The following MCRS1 variants were observed in gnomAD, a reference collection of about 807,000 sequenced individuals.
The protein encoded by MCRS1 is 58 kDa microspherule protein.
MCRS1 carries 22 observed loss-of-function variants against 62.9 expected under a neutral mutation model. The observed-to-expected ratio is 0.35, with a 90% CI of 0.25 to 0.50. The LOEUF (loss-of-function observed/expected upper bound fraction) is 0.50, where lower values mean the gene tolerates loss of function less well. MCRS1 is among the 20% of genes least tolerant of loss of function. The pLI, the probability that MCRS1 is intolerant of heterozygous loss-of-function variation, is 0.98. For synonymous variants in MCRS1, 244 were observed against 233.5 expected (o/e 1.04, Z -0.41); for missense variants, 456 against 601.1 (o/e 0.76, Z 2.52).
At chr12:49,566,265 C>T in intron 2 of MCRS1, 50 bp from the exon 3 acceptor site, 1 of 1,587,198 alleles carries the variant, frequency 6.3e-7, no homozygotes, top group Non-Finnish European at 8.6e-7. Context: ...CCTAGAGCCT[C>T]TGCAAATGGG....
At chr12:49,560,515 G>T in intron 8 of MCRS1, 145 bp from the exon 9 acceptor site, 1 of 709,982 alleles carries the variant, frequency 1.4e-6, no homozygotes, top group South Asian at 1.7e-5. Context: ...AGATTAGGCT[G>T]GGCTCTAATT....
In MCRS1 at chr12:49,559,748, C is replaced by T; in HGVS notation, c.984G>A (p.Val328=). 6.2e-7 allele frequency: 1 copy of T among 1,614,200 alleles called. No individual in the cohort carries two copies. Among genetic ancestry groups the T allele is most frequent in the Non-Finnish European group, 8.5e-7 (1 of 1,180,030 alleles). ...QLEQELHKWQ[V]LVDSITGMSS... ...CCTCACCTGTGATGCTGTCCACTAG[C>T]ACCTGCCACTTATGCAGTTCCTGTT... Residue 328 remains valine (V), a synonymous_variant, in exon 11 of 15, where the codon GTG becomes GTA. Coordinates refer to ENST00000343810, the MANE Select transcript of MCRS1 (RefSeq NM_006337.5). The surrounding 1 kb of genome is among the most constrained non-coding windows in gnomAD (Gnocchi z 5.2).
At position 49,558,619 on chromosome 12, in the gene MCRS1, G is replaced by C. The variant is rs1938575891; in HGVS notation, c.*24C>G. 3.1e-5 allele frequency: 50 copies of C among 1,607,024 alleles called. No homozygotes were observed. The highest frequency in any genetic ancestry group is 4.2e-5 in the Non-Finnish European group (50 of 1,176,768). The stretch of plus-strand genomic sequence containing the variant: ...TGGCAGGGGAAACAGGCCGGAGAGG[G>C]CCCACGAGTCCTGCCACCACTCCTC... On this transcript the variant is annotated 3_prime_UTR_variant, in exon 15 of 15. Transcript: ENST00000343810.
chr12:49,561,050 T>G (rs1938739704), intron 8 of MCRS1, among the ~76,000 whole-genome samples: 1 of 150,736 alleles, frequency 6.6e-6, no homozygotes, highest in Non-Finnish European at 1.5e-5. Context: ...TGAAAGTCTG[T>G]TTTTTTTTCT....
Position 49,560,301 on chromosome 12 carries a change from T to A in MCRS1, c.875A>T (p.Lys292Met). The change falls in exon 9 of 15, where the codon AAG (lysine) becomes ATG (methionine). Residue 292 changes from lysine (K) to methionine (M), a missense_variant. Physicochemically the swap from Lys to Met is moderately conservative, Grantham distance 95. Coordinates refer to ENST00000343810, the MANE Select transcript of MCRS1 (RefSeq NM_006337.5). The part of the protein sequence containing the change: ...SDAEDLIDDS[K>M]LKDMRDEVLE... Reference sequence around the variant, plus strand: ...TGTGTCTCCAGCCACTCACTTGAGCTTACTGTCATCAATCAGGTCCTCTGC... The same window carrying A: ...TGTGTCTCCAGCCACTCACTTGAGCATACTGTCATCAATCAGGTCCTCTGC... The A allele has an allele frequency of 1.2e-6, 2 of 1,614,214 alleles. No individual in the cohort carries two copies. The highest frequency in any genetic ancestry group is 1.7e-6 in the Non-Finnish European group (2 of 1,180,002).
Position 49,563,556 on chromosome 12 carries a change from G to T in MCRS1, c.558-10C>A. ...GGCCTGACAGGCCAACCTGGACACG[G>T]AAAGAGACAGAGGGGAGGGGTGAAG... is the stretch of plus-strand genomic sequence containing the variant. On this transcript the variant is annotated splice_polypyrimidine_tract_variant and intron_variant, in intron 6 of 14. Coordinates refer to ENST00000343810, the MANE Select transcript of MCRS1 (RefSeq NM_006337.5). 1 of 1,599,400 alleles carries T rather than the reference G, an allele frequency of 6.3e-7. No homozygotes were observed. The highest frequency in any genetic ancestry group is 8.5e-7 in the Non-Finnish European group (1 of 1,172,134).
rs1491529028 is a variant in MCRS1 at position 49,559,694 on chromosome 12, GAA to G, written c.1003+33_1003+34del. The G allele has an allele frequency of 1.4e-5, 22 of 1,611,536 alleles. No individual in the cohort carries two copies. Among genetic ancestry groups the G allele is most frequent in the Non-Finnish European group, 1.7e-5 (20 of 1,178,014 alleles). The stretch of plus-strand genomic sequence containing the variant: ...GGCACAGGCTGGGGCGAAGGATGCT[GAA>G]GAGTGAGCCTTCTGGTGCCCAGGCC... On this transcript the variant is annotated intron_variant, in intron 11 of 14. Transcript: ENST00000343810. This position sits in a 1 kb window ranked among gnomAD's most constrained non-coding sequence, Gnocchi z 5.2.
At position 49,566,694 on chromosome 12, in the gene MCRS1, T is replaced by G. The variant is rs200321716; in HGVS notation, c.10+28A>C. ...CAGCAGATGCTTGGCGCCCGAGCAT[T>G]TGGGGAGCTGTCCCGGCCTCATACT... is the stretch of plus-strand genomic sequence containing the variant. On this transcript the variant is annotated intron_variant, in intron 2 of 14. Transcript: ENST00000343810. The G allele has an allele frequency of 6.8e-4, 1,095 of 1,613,900 alleles. 2 individuals carry two copies. Among genetic ancestry groups the G allele is most frequent in the Non-Finnish European group, 8.3e-4 (982 of 1,179,940 alleles).
chr12:49,565,571 C>T lies in MCRS1; in HGVS notation c.246G>A (p.Gly82=), dbSNP rs1214129713. Residue 82 remains glycine, a synonymous_variant, in exon 4 of 15, where the codon GGG becomes GGA. Coordinates refer to ENST00000343810, the MANE Select transcript of MCRS1 (RefSeq NM_006337.5). ...AGGAGGGTTCACTCCCCGAACAGCG[C>T]CCTGGTTCCACCCCACTGGCCCCCT... is the stretch of plus-strand genomic sequence containing the variant. ...RAKGASGVEP[G]RCSGSEPSSS... The T allele has an allele frequency of 6.2e-7, 1 of 1,611,274 alleles. No homozygotes were observed. Among genetic ancestry groups the T allele is most frequent in the African/African-American group, 1.3e-5 (1 of 74,996 alleles).
chr12:49,563,632 G>T, intron 6 of MCRS1, 86 bp from the exon 7 acceptor site: 1 of 1,001,882 alleles, frequency 1.0e-6, no homozygotes, highest in Non-Finnish European at 1.5e-6. Context: ...AAACCTACAG[G>T]CTTTTGAGAT....
chr12:49,564,570 G>A lies in MCRS1; in HGVS notation c.468C>T (p.Val156=). 6.2e-7 allele frequency: 1 copy of A among 1,611,122 alleles called. No individual in the cohort carries two copies. The highest frequency in any genetic ancestry group is 2.2e-5 in the East Asian group (1 of 44,648). Residue 156 remains valine, a synonymous_variant, in exon 6 of 15, where the codon GTC becomes GTT. Coordinates refer to ENST00000343810, the MANE Select transcript of MCRS1 (RefSeq NM_006337.5). ...AVLQTNDLTS[V]HLGVKFSCRF... Reference sequence around the variant, plus strand: ...GGCAGCTGAATTTCACGCCCAGGTGGACGGAGGTCAGGTCGTTGGTCTGCA... The same window carrying A: ...GGCAGCTGAATTTCACGCCCAGGTGAACGGAGGTCAGGTCGTTGGTCTGCA...
intron 8 of MCRS1, 105 bp from the exon 9 acceptor site, chr12:49,560,475 G>A (rs1306743875): frequency 3.9e-6 from 4 of 1,013,602 alleles, no homozygotes; most frequent in South Asian, 2.6e-5. Flanking sequence ...GCTGGGTGGA[G>A]AGCCCAGCAC....
In MCRS1 at chr12:49,559,464, G is replaced by A. The variant is rs775135641; in HGVS notation, c.1075C>T (p.Arg359Cys). Residue 359 changes from arginine to cysteine, a missense_variant, in exon 12 of 15, where the codon CGC becomes TGC. Physicochemically the swap from Arg to Cys is radical, Grantham distance 180. Coordinates refer to ENST00000343810, the MANE Select transcript of MCRS1 (RefSeq NM_006337.5). The surrounding 1 kb of genome is among the most constrained non-coding windows in gnomAD (Gnocchi z 5.2). ...LRGRMVRYLM[R>C]SREITLGRAT... ...TGGGCCTGCCTCACCTCACGCGAGC[G>A]CATCAGGTACCGCACCATGCGGCCC... The A allele has an allele frequency of 6.2e-7, 1 of 1,613,658 alleles. No individual in the cohort carries two copies.
At position 49,558,930 on chromosome 12, in the gene MCRS1, G is replaced by A. The variant is rs1938601169; in HGVS notation, c.1215C>T (p.Ala405=). The change falls in exon 14 of 15, where the codon GCC becomes GCT. Residue 405 remains alanine, a synonymous_variant. Transcript: ENST00000343810. ...KLKNNGDFFI[A]NEGRRPIYID... ...TGTAGATGGGCCGTCGACCCTCATT[G>A]GCAATGAAGAAATCACCGTTGTTCT... The A allele has an allele frequency of 1.2e-6, 2 of 1,612,570 alleles. No homozygotes were observed. The highest frequency in any genetic ancestry group is 2.2e-5 in the South Asian group (2 of 91,088).
rs758843516 is a variant in MCRS1 at position 49,564,544 on chromosome 12, C to T, written c.494G>A (p.Arg165His). 3 of 1,612,804 alleles carry T rather than the reference C, an allele frequency of 1.9e-6. No homozygotes were observed. Among genetic ancestry groups the T allele is most frequent in the African/African-American group, 1.3e-5 (1 of 75,014 alleles). Residue 165 changes from arginine (R) to histidine (H), a missense_variant, in exon 6 of 15, where the codon CGC becomes CAC. Coordinates refer to ENST00000343810, the MANE Select transcript of MCRS1 (RefSeq NM_006337.5). Reference sequence around the variant, plus strand: ...CTCCTGGACCTCCCGAAGGGTGAAGCGGCAGCTGAATTTCACGCCCAGGTG... The same window carrying T: ...CTCCTGGACCTCCCGAAGGGTGAAGTGGCAGCTGAATTTCACGCCCAGGTG... ...SVHLGVKFSC[R>H]FTLREVQERW...
Position 49,566,227 on chromosome 12 carries a change from GAA to G in MCRS1, c.11-14_11-13del, listed in dbSNP as rs1565794448. ...CAGCCCCTGAGAATCTAGCAAGAGA[GAA>G]ATGGTGGATTCGGGCCTCCTAAGAT... On this transcript the variant is annotated splice_polypyrimidine_tract_variant and intron_variant, in intron 2 of 14. Coordinates refer to ENST00000343810, the MANE Select transcript of MCRS1 (RefSeq NM_006337.5). 6.2e-7 allele frequency: 1 copy of G among 1,609,626 alleles called. No individual in the cohort carries two copies. Among genetic ancestry groups the G allele is most frequent in the Non-Finnish European group, 8.5e-7 (1 of 1,177,756 alleles).
rs770820725 is a variant in MCRS1, at chr12:49,558,598, A to G, written c.*45T>C. 6.3e-7 allele frequency: 1 copy of G among 1,587,248 alleles called. No homozygotes were observed. The highest frequency in any genetic ancestry group is 1.1e-5 in the South Asian group (1 of 90,042). ...CCCAGCTCAAGGGGGCTGGAGTGGC[A>G]GGGGAAACAGGCCGGAGAGGGCCCA... On this transcript the variant is annotated 3_prime_UTR_variant, in exon 15 of 15. Transcript: ENST00000343810.
Position 49,560,291 on chromosome 12 carries a change from TC to T in MCRS1, c.881+3del. On this transcript the variant is annotated splice_donor_region_variant and intron_variant, in intron 9 of 14. Coordinates refer to ENST00000343810, the MANE Select transcript of MCRS1 (RefSeq NM_006337.5). ...CACCCCTTCCTGTGTCTCCAGCCAC[TC>T]ACTTGAGCTTACTGTCATCAATCAG... The T allele has an allele frequency of 1.9e-6, 3 of 1,614,078 alleles. No homozygotes were observed. The highest frequency in any genetic ancestry group is 1.3e-5 in the African/African-American group (1 of 75,050).
At chr12:49,566,282 C>T (rs558956877) in intron 2 of MCRS1, 67 bp from the exon 3 acceptor site, 475 of 1,576,664 alleles carry the variant, frequency 3.0e-4, no homozygotes, top group Middle Eastern at 1.7e-3. Flanking sequence ...TGGGACCCCT[C>T]CCCAGCCCCC....
Sources: allele counts gnomAD v4.1 joint callset (sites outside exome capture counted in the v4.1 genomes callset), GRCh38; gene constraint gnomAD v4.1.1; non-coding constraint Gnocchi (gnomAD v3.1); transcripts MANE v1.5; gene names NCBI Gene and HGNC (gene_info 2026-07-23, HGNC 2026-07-21).